MTMR1: variants seen among roughly 807,000 people sequenced by gnomAD.
MTMR1 encodes phosphatidylinositol-3-phosphate phosphatase MTMR1.
Under a neutral mutation model 51.6 loss-of-function variants are expected in MTMR1, and 17 were observed. That is an observed-to-expected ratio of 0.33 (90% CI 0.23 to 0.49). The LOEUF is 0.49. MTMR1 is among the 20% of genes least tolerant of loss of function. The probability of loss-of-function intolerance (pLI) is 0.99; values close to 1 mark genes in which losing one functional copy is unlikely to be tolerated. For synonymous variants in MTMR1, 201 were observed against 205.6 expected (o/e 0.98, Z 0.19); for missense variants, 386 against 526.9 (o/e 0.73, Z 2.62).
At chrX:150,731,752 C>A in intron 9 of MTMR1, 133 bp downstream of exon 9, 1 of 500,838 alleles carries the variant, frequency 2.0e-6, no homozygotes, top group Non-Finnish European at 3.0e-6. Context: ...CCTGAACATA[C>A]CTTTGATTCT....
chrX:150,706,070 T>C (rs1304444075), intron 2 of MTMR1, among the ~76,000 whole-genome samples: 1 of 111,206 alleles, frequency 9.0e-6, no homozygotes, highest in African/African-American at 3.3e-5. Flanking sequence ...AAGTCCAAGT[T>C]TGAGGGGTGA....
In MTMR1 at chrX:150,737,182, T is replaced by C. The variant is rs1239135874; in HGVS notation, c.1267-60T>C. On this transcript the variant is annotated intron_variant, in intron 11 of 15. Transcript: ENST00000445323. ...AGCTCTCCCCAGAATTATTTTACAT[T>C]GTTTTACATTTAATTGAAATTCAAT... The C allele has an allele frequency of 6.5e-6, 7 of 1,079,618 alleles. No homozygotes were observed. The Admixed American group carries it at 1.4e-4, about 21-fold the overall frequency. 89.0% of individuals were successfully genotyped at this position (1,079,618 alleles called of 1,213,427 possible). A position where few individuals can be genotyped will look rare whatever the true frequency, so the allele number is the denominator to read the frequency against.
chrX:150,726,694 A>T (rs2041950339), intron 4 of MTMR1, among the ~76,000 whole-genome samples: 1 of 112,271 alleles, frequency 8.9e-6, no homozygotes, highest in Non-Finnish European at 1.9e-5. Flanking sequence ...TCACGCACTT[A>T]ATAGATATTG....
In MTMR1 at chrX:150,718,610, T is replaced by G; in HGVS notation, c.277-15T>G. The G allele has an allele frequency of 1.6e-6, 1 of 612,169 alleles. No homozygotes were observed. The highest frequency in any genetic ancestry group is 2.2e-6 in the Non-Finnish European group (1 of 453,355). The allele number at this position is 612,169 out of a possible 1,213,427, so 50.4% of individuals were successfully genotyped here. On this transcript the variant is annotated splice_polypyrimidine_tract_variant and intron_variant, in intron 3 of 15. Transcript: ENST00000445323. ...TTTTTTTTTTTTTTTTTTTTTTTTT[T>G]TTTTTTTTTGCCAGGCTCTAAGGGA...
chrX:150,736,849 T>C (rs2042286558), intron 11 of MTMR1, 69 bp downstream of exon 11: 6 of 987,274 alleles, frequency 6.1e-6, no homozygotes, highest in Non-Finnish European at 8.2e-6. Flanking sequence ...TAAATACGTA[T>C]ATCTCCAAGT....
At chrX:150,702,088 C>CT (rs34358686) in intron 2 of MTMR1, among the ~76,000 whole-genome samples, 25,170 of 94,778 alleles carry the variant, frequency 0.27, 3,041 homozygotes, top group South Asian at 0.47. Context: ...TTCTTTCTTT[C>CT]TTTTTTTTTT....
intron 4 of MTMR1, among the ~76,000 whole-genome samples, chrX:150,723,203 A>G (rs1233129943): frequency 9.0e-6 from 1 of 111,429 alleles, no homozygotes; most frequent in African/African-American, 3.3e-5. Context: ...TTATGGCTGC[A>G]TAGTATTCCA....
chrX:150,724,433 G>A (rs1557416699), intron 4 of MTMR1, among the ~76,000 whole-genome samples: 1 of 110,052 alleles, frequency 9.1e-6, no homozygotes, highest in East Asian at 2.8e-4. Context: ...TTTTTAATGG[G>A]GTTGTTTGTG....
intron 3 of MTMR1, among the ~76,000 whole-genome samples, chrX:150,717,081 C>G (rs1036511956): frequency 1.8e-5 from 2 of 110,838 alleles, no homozygotes; most frequent in Non-Finnish European, 3.8e-5. Context: ...CAAATGAGGC[C>G]GGGCGCGGTG....
intron 15 of MTMR1, among the ~76,000 whole-genome samples, chrX:150,761,308 TCTC>T (rs1273328933): frequency 8.9e-6 from 1 of 112,124 alleles, no homozygotes; most frequent in Non-Finnish European, 1.9e-5. Context: ...GGTCATTTCT[TCTC>T]AGCCCACTGG....
At chrX:150,701,220 A>G (rs1557415920) in intron 2 of MTMR1, among the ~76,000 whole-genome samples, 1 of 111,329 alleles carries the variant, frequency 9.0e-6, no homozygotes, top group Non-Finnish European at 1.9e-5. Context: ...TTTTTACATA[A>G]TAAATACATA....
At chrX:150,698,302 A>G (rs1557415794) in intron 1 of MTMR1, among the ~76,000 whole-genome samples, 1 of 110,779 alleles carries the variant, frequency 9.0e-6, no homozygotes, top group East Asian at 2.8e-4. Context: ...TCAAAAAAAA[A>G]AATAAATAAA....
chrX:150,709,896 CA>C (rs1258644826), intron 2 of MTMR1, among the ~76,000 whole-genome samples: 1 of 112,406 alleles, frequency 8.9e-6, no homozygotes, highest in Non-Finnish European at 1.9e-5. Context: ...GGACAACGTC[CA>C]AACTATATCA....
chrX:150,693,309 CG>C (rs1273484849), upstream of MTMR1: 3 of 263,578 alleles, frequency 1.1e-5, no homozygotes, highest in Non-Finnish European at 1.0e-5. Context: ...TTCCCGGCGC[CG>C]GCCCCGCGCG....
At chrX:150,740,933 C>A (rs1194843241) in intron 12 of MTMR1, among the ~76,000 whole-genome samples, 19 of 110,975 alleles carry the variant, frequency 1.7e-4, no homozygotes, top group African/African-American at 6.3e-4. Context: ...ACTCCCCCAT[C>A]CAAGGAGGGA....
chrX:150,721,600 G>A (rs182381937), intron 4 of MTMR1, among the ~76,000 whole-genome samples: 1 of 111,319 alleles, frequency 9.0e-6, no homozygotes, highest in Admixed American at 9.5e-5. Flanking sequence ...TTTAATATCT[G>A]TAGAATTTGC....
chrX:150,697,008 A>G (rs2040702567), intron 1 of MTMR1, among the ~76,000 whole-genome samples: 1 of 112,078 alleles, frequency 8.9e-6, no homozygotes, highest in African/African-American at 3.2e-5. Flanking sequence ...GGGGGAAGGC[A>G]TGCCGGGCAG....
chrX:150,716,462 G>C (rs1211756376), intron 3 of MTMR1, among the ~76,000 whole-genome samples: 1 of 112,472 alleles, frequency 8.9e-6, no homozygotes, highest in African/African-American at 3.2e-5. Context: ...TCCATTAATC[G>C]TTCTCCACAC....
chrX:150,735,264 C>T (rs1033526092), intron 10 of MTMR1: 4 of 320,960 alleles, frequency 1.2e-5, no homozygotes, highest in Non-Finnish European at 2.2e-5. Flanking sequence ...TTAAGTCCCC[C>T]AGTTTGTGAT....
Sources: allele counts gnomAD v4.1 joint callset (sites outside exome capture counted in the v4.1 genomes callset), GRCh38; gene constraint gnomAD v4.1.1; transcripts MANE v1.5; gene names NCBI Gene and HGNC (gene_info 2026-07-23, HGNC 2026-07-21).